The following FHOD3 variants were observed in gnomAD, a reference collection of about 807,000 sequenced individuals.
FHOD3 encodes FH1/FH2 domain-containing protein 3.
Under a neutral mutation model 173.0 loss-of-function variants are expected in FHOD3, and 90 were observed. The observed-to-expected ratio is 0.52, with a 90% CI of 0.44 to 0.62. FHOD3 has a LOEUF of 0.62. Ranked by LOEUF, FHOD3 falls within the 20% of genes least tolerant of loss-of-function variation. The probability of loss-of-function intolerance (pLI) is 0.00; values close to 1 mark genes in which losing one functional copy is unlikely to be tolerated. For missense variants in FHOD3, 1,945 were observed against 2,034.7 expected (o/e 0.96, Z 0.85); for synonymous variants, 828 against 823.0 (o/e 1.01, Z -0.10).
chr18:36,465,253 G>A (rs892484640), intron 3 of FHOD3, among the ~76,000 whole-genome samples: 3 of 152,152 alleles, frequency 2.0e-5, no homozygotes, highest in South Asian at 2.1e-4. Flanking sequence ...GCTTGAACTC[G>A]GGAGGCGGAA....
chr18:36,383,907 C>T (rs1423401152), intron 3 of FHOD3, among the ~76,000 whole-genome samples: 1 of 152,198 alleles, frequency 6.6e-6, no homozygotes, highest in Non-Finnish European at 1.5e-5. Context: ...CCTCCAATAA[C>T]ACTAGCTGCT....
At chr18:36,555,994 T>C (rs1439967876) in intron 5 of FHOD3, among the ~76,000 whole-genome samples, 1 of 152,178 alleles carries the variant, frequency 6.6e-6, no homozygotes, top group Non-Finnish European at 1.5e-5. Flanking sequence ...TTATCCAATC[T>C]AATTTTAAAT....
At chr18:36,709,023 A>G in intron 17 of FHOD3, 72 bp from the exon 18 acceptor site, 1 of 1,540,950 alleles carries the variant, frequency 6.5e-7, no homozygotes, top group Non-Finnish European at 8.8e-7. Flanking sequence ...TCAACCTCAC[A>G]TTCATTCTCA....
chr18:36,390,593 A>G (rs2048256710), intron 3 of FHOD3, among the ~76,000 whole-genome samples: 1 of 152,146 alleles, frequency 6.6e-6, no homozygotes, highest in African/African-American at 2.4e-5. Context: ...CTTTTTTTGA[A>G]TAATGTAACA....
At chr18:36,503,703 A>T (rs559782008) in intron 4 of FHOD3, among the ~76,000 whole-genome samples, 80 of 152,140 alleles carry the variant, frequency 5.3e-4, no homozygotes, top group Non-Finnish European at 9.3e-4. Flanking sequence ...GTCCTCCCTA[A>T]CTCAGTCCAT....
intron 3 of FHOD3, among the ~76,000 whole-genome samples, chr18:36,458,909 C>G (rs1401765697): frequency 6.6e-6 from 1 of 152,164 alleles, no homozygotes; most frequent in Non-Finnish European, 1.5e-5. Flanking sequence ...TCCTTTCACA[C>G]ATTTTTTCAG....
rs79187634 is a variant in FHOD3 at position 36,585,271 on chromosome 18, T to C, written c.606+8726T>C. On this transcript the variant is annotated intron_variant, in intron 6 of 28. Coordinates refer to ENST00000590592, the MANE Select transcript of FHOD3 (RefSeq NM_001281740.3). ...ATTCGATGAGATTTCTAAAATTCCA[T>C]GGGTTTTAATGGCATAGTCATGTAA... Among the ~76,000 whole-genome samples the C allele has an allele frequency of 9.1e-3, 1,388 of 152,308 alleles. 21 individuals are homozygous for C. The highest frequency in any genetic ancestry group is 0.031 in the African/African-American group (1,286 of 41,560).
At chr18:36,770,148 C>G (rs75128673) in intron 28 of FHOD3, among the ~76,000 whole-genome samples, 1,931 of 152,308 alleles carry the variant, frequency 0.013, 36 homozygotes, top group African/African-American at 0.044. Flanking sequence ...CCTGCATGAG[C>G]TGTGGCCTTG....
intron 5 of FHOD3, among the ~76,000 whole-genome samples, chr18:36,516,169 G>C (rs2055963308): frequency 1.3e-5 from 2 of 152,038 alleles, no homozygotes; most frequent in Non-Finnish European, 2.9e-5. Flanking sequence ...TTGCGATCAA[G>C]AACAACCTTT....
chr18:36,588,285 T>C (rs1163777502), intron 6 of FHOD3, among the ~76,000 whole-genome samples: 1 of 152,206 alleles, frequency 6.6e-6, no homozygotes, highest in Non-Finnish European at 1.5e-5. Context: ...GTATATGGCA[T>C]TGAGATACAA....
At chr18:36,501,072 G>A (rs1172613860) in intron 3 of FHOD3, among the ~76,000 whole-genome samples, 2 of 152,164 alleles carry the variant, frequency 1.3e-5, no homozygotes, top group Non-Finnish European at 2.9e-5. Flanking sequence ...GTGATCTCTG[G>A]AGGATGGGCC....
rs200708929 is a variant in FHOD3 at position 36,740,862 on chromosome 18, G to T, written c.3759+24G>T. The T allele has an allele frequency of 4.4e-6, 7 of 1,593,986 alleles. No homozygotes were observed. In the Admixed American group the frequency reaches 1.1e-4, roughly 25 times the overall value. Reference sequence around the variant, plus strand: ...AGGTAAGCTCTCTGTAAGAGAGGCCGCTGATCCCACATCCACAGTGTTGAG... The same window carrying T: ...AGGTAAGCTCTCTGTAAGAGAGGCCTCTGATCCCACATCCACAGTGTTGAG... On this transcript the variant is annotated intron_variant, in intron 21 of 28. Coordinates refer to ENST00000590592, the MANE Select transcript of FHOD3 (RefSeq NM_001281740.3).
At chr18:36,521,479 C>A (rs986215433) in intron 5 of FHOD3, among the ~76,000 whole-genome samples, 1 of 152,176 alleles carries the variant, frequency 6.6e-6, no homozygotes, top group Non-Finnish European at 1.5e-5. Flanking sequence ...ATTCAGCCAC[C>A]CTAGGGTCCT....
chr18:36,612,173 C>A, intron 9 of FHOD3, 78 bp downstream of exon 9: 1 of 1,496,132 alleles, frequency 6.7e-7, no homozygotes, highest in South Asian at 1.3e-5. Flanking sequence ...TACTTTAGAC[C>A]ACGCGTAAAG....
intron 9 of FHOD3, among the ~76,000 whole-genome samples, chr18:36,613,882 C>T (rs1021263538): frequency 1.3e-5 from 2 of 151,976 alleles, no homozygotes; most frequent in South Asian, 2.1e-4. Flanking sequence ...CATATGGGCC[C>T]GATTAGTCTT....
intron 1 of FHOD3, among the ~76,000 whole-genome samples, chr18:36,316,666 C>G (rs531153770): frequency 6.6e-6 from 1 of 152,290 alleles, no homozygotes; most frequent in South Asian, 2.1e-4. Context: ...ACTGTAAGAG[C>G]CCACCCCAGC....
chr18:36,349,163 G>T (rs910125047), intron 1 of FHOD3, among the ~76,000 whole-genome samples: 2 of 152,208 alleles, frequency 1.3e-5, no homozygotes, highest in Non-Finnish European at 2.9e-5. Flanking sequence ...GTGGCAGTTG[G>T]CAGGCTGTGA....
At chr18:36,316,678 C>T (rs973091541) in intron 1 of FHOD3, among the ~76,000 whole-genome samples, 7 of 152,152 alleles carry the variant, frequency 4.6e-5, no homozygotes, top group Non-Finnish European at 8.8e-5. Context: ...CACCCCAGCG[C>T]CTGCTGTTCT....
chr18:36,510,050 T>C (rs900802790), intron 4 of FHOD3, among the ~76,000 whole-genome samples: 1 of 152,194 alleles, frequency 6.6e-6, no homozygotes, highest in African/African-American at 2.4e-5. Context: ...TACCCGTGGG[T>C]CGGCGTCTCC....
Sources: allele counts gnomAD v4.1 joint callset (sites outside exome capture counted in the v4.1 genomes callset), GRCh38; gene constraint gnomAD v4.1.1; transcripts MANE v1.5; gene names NCBI Gene and HGNC (gene_info 2026-07-23, HGNC 2026-07-21).